The following ABI1 variants were observed in gnomAD, a reference collection of about 807,000 sequenced individuals.
ABI1 encodes abl interactor 1.
In ABI1, 14 loss-of-function variants were observed where a neutral mutation model predicts 54.6. That is an observed-to-expected ratio of 0.26 (90% CI 0.17 to 0.40). The LOEUF is 0.40. ABI1 is among the 10% of genes least tolerant of loss of function. The pLI, the probability that ABI1 is intolerant of heterozygous loss-of-function variation, is 1.00. For missense variants in ABI1, 443 were observed against 598.3 expected, an observed-to-expected ratio of 0.74 and a Z score of 2.71; for synonymous variants, 194 against 209.3, an observed-to-expected ratio of 0.93 and a Z score of 0.63.
intron 1 of ABI1, among the ~76,000 whole-genome samples, chr10:26,852,299 G>C (rs2050457806): frequency 6.6e-6 from 1 of 152,084 alleles, no homozygotes; most frequent in Non-Finnish European, 1.5e-5. Context: ...GACCAACATG[G>C]AGAAACCCTG....
At chr10:26,852,245 C>T (rs969323993) in intron 1 of ABI1, among the ~76,000 whole-genome samples, 5 of 152,082 alleles carry the variant, frequency 3.3e-5, no homozygotes, top group African/African-American at 1.2e-4. Flanking sequence ...TTTGGGAGGC[C>T]GAGATGGGTG....
intron 1 of ABI1, among the ~76,000 whole-genome samples, chr10:26,856,619 T>A (rs1299462794): frequency 2.0e-5 from 3 of 152,012 alleles, no homozygotes; most frequent in African/African-American, 7.2e-5. Flanking sequence ...CTGAAGTGAG[T>A]AGCTCACAGT....
rs570218607 is a variant in ABI1 at position 26,780,304 on chromosome 10, G to T, written c.286-3063C>A. ...TGCAGTGGAACAATCACGGCTCACT[G>T]CAATCTTCAAATTCTTGCACTCAAG... On this transcript the variant is annotated intron_variant, in intron 2 of 10. Coordinates refer to ENST00000376140, the MANE Select transcript of ABI1 (RefSeq NM_001012750.3). 7.2e-5 allele frequency among the ~76,000 whole-genome samples: 11 copies of T among 152,252 alleles called. No homozygotes were observed. The South Asian group carries it at 2.3e-3, about 32-fold the overall frequency.
intron 2 of ABI1, among the ~76,000 whole-genome samples, chr10:26,816,901 G>A (rs1235573383): frequency 1.3e-5 from 2 of 152,012 alleles, no homozygotes; most frequent in Non-Finnish European, 2.9e-5. Flanking sequence ...AAAATGTACA[G>A]TGATCCTCTG....
chr10:26,780,811 T>TG (rs1331891472), intron 2 of ABI1, among the ~76,000 whole-genome samples: 2 of 152,122 alleles, frequency 1.3e-5, no homozygotes, highest in Admixed American at 1.3e-4. Context: ...ACCCATCCTG[T>TG]GGAAGAATAA....
chr10:26,811,812 G>T (rs1051246816), intron 2 of ABI1, among the ~76,000 whole-genome samples: 22 of 84,812 alleles, frequency 2.6e-4, no homozygotes, highest in Non-Finnish European at 5.1e-4. Context: ...TTTATGCAAA[G>T]ATTTGTATAA....
intron 2 of ABI1, among the ~76,000 whole-genome samples, chr10:26,794,223 A>G (rs944972726): frequency 6.6e-6 from 1 of 152,070 alleles, no homozygotes; most frequent in East Asian, 1.9e-4. Flanking sequence ...AGCCTGAGCA[A>G]CCCTGTCTCC....
At chr10:26,809,163 G>A (rs113574230) in intron 2 of ABI1, among the ~76,000 whole-genome samples, 47 of 151,380 alleles carry the variant, frequency 3.1e-4, no homozygotes, top group African/African-American at 8.5e-4. Context: ...CTAGCTACTC[G>A]GGAGGCTGAG....
At chr10:26,759,356 C>T (rs1054537155) in intron 7 of ABI1, 118 bp from the exon 8 acceptor site, 5 of 717,118 alleles carry the variant, frequency 7.0e-6, no homozygotes, top group Non-Finnish European at 1.0e-5. Flanking sequence ...TTTTCAAGAC[C>T]AAGGCACAAA....
intron 2 of ABI1, among the ~76,000 whole-genome samples, chr10:26,810,667 T>C (rs11015303): frequency 0.068 from 10,319 of 152,152 alleles, 387 homozygotes; most frequent in East Asian, 0.14. Flanking sequence ...TAAAACTTTA[T>C]TTATAAAAAT....
Position 26,759,116 on chromosome 10 carries a change from G to C in ABI1, c.943C>G (p.Gln315Glu). The stretch of plus-strand genomic sequence containing the variant: ...TTAACATGAGGCTGAGCAGAAAATT[G>C]AGCAGTCACAGAGGGAGTTCGTCTG... ...GYRRTPSVTA[Q>E]FSAQPHVNGG... Residue 315 changes from glutamine (Q) to glutamate (E), a missense_variant, in exon 8 of 11, where the codon CAA becomes GAA. This residue lies in a region of ABI1 where 394 missense variants were observed against 484.8 expected (regional missense o/e 0.81). Coordinates refer to ENST00000376140, the MANE Select transcript of ABI1 (RefSeq NM_001012750.3). 1 of 1,614,078 alleles carries C rather than the reference G, an allele frequency of 6.2e-7. No homozygotes were observed. Among genetic ancestry groups the C allele is most frequent in the African/African-American group, 1.3e-5 (1 of 75,028 alleles).
intron 2 of ABI1, among the ~76,000 whole-genome samples, chr10:26,792,223 GATTT>G (rs1284008242): frequency 6.6e-6 from 1 of 152,198 alleles, no homozygotes; most frequent in African/African-American, 2.4e-5. Context: ...AGAGATGTCT[GATTT>G]ATTATATATG....
At chr10:26,805,216 T>A (rs1378311002) in intron 2 of ABI1, among the ~76,000 whole-genome samples, 1 of 152,178 alleles carries the variant, frequency 6.6e-6, no homozygotes, top group East Asian at 1.9e-4. Flanking sequence ...TGCTATGGTA[T>A]CTGAACTATA....
At chr10:26,750,114 G>A (rs1433223081) in intron 10 of ABI1, among the ~76,000 whole-genome samples, 2 of 152,244 alleles carry the variant, frequency 1.3e-5, no homozygotes, top group South Asian at 4.1e-4. Context: ...TATCATCCTC[G>A]TAAGTAACAA....
chr10:26,845,694 A>G (rs7096454), intron 1 of ABI1, among the ~76,000 whole-genome samples: 38,875 of 152,080 alleles, frequency 0.26, 5,638 homozygotes, highest in South Asian at 0.44. Context: ...ATAATACCTA[A>G]CAGACAGTCT....
chr10:26,764,055 G>GA, intron 7 of ABI1: 1 of 884,928 alleles, frequency 1.1e-6, no homozygotes, highest in East Asian at 2.7e-5. Context: ...GGAAGAAAAA[G>GA]AAAAAAGATA....
At chr10:26,759,680 CA>C (rs1838852311) in intron 7 of ABI1, among the ~76,000 whole-genome samples, 1 of 151,902 alleles carries the variant, frequency 6.6e-6, no homozygotes, top group African/African-American at 2.4e-5. Flanking sequence ...TTTCCACTGA[CA>C]AAACTTTCAG....
rs114826337 is a variant in ABI1 at position 26,756,485 on chromosome 10, A to G, written c.998-744T>C. On this transcript the variant is annotated intron_variant, in intron 8 of 10. Transcript: ENST00000376140. ...TCACTGTTCTGAAAAAGGAAACCTG[A>G]TCTCCAATAAGTTAAAATACGTAGT... 4.3e-3 allele frequency among the ~76,000 whole-genome samples: 648 copies of G among 152,302 alleles called. 3 individuals carry two copies. The highest frequency in any genetic ancestry group is 0.015 in the African/African-American group (610 of 41,592).
intron 2 of ABI1, among the ~76,000 whole-genome samples, chr10:26,812,199 C>T (rs1473124324): frequency 1.3e-5 from 2 of 152,094 alleles, no homozygotes; most frequent in African/African-American, 4.8e-5. Context: ...TGCAAAAAGC[C>T]CCTTCTGCCA....
Sources: gnomAD v4.1 joint callset for allele counts (sites outside exome capture counted in the v4.1 genomes callset) on GRCh38, gnomAD v4.1.1 for gene constraint, gnomAD v4.1.1 regional missense constraint, MANE v1.5 for transcripts, NCBI Gene and HGNC (gene_info 2026-07-23, HGNC 2026-07-21) for gene names.